Variants in INO80D observed in about 807,000 individuals in gnomAD.
The protein encoded by INO80D is INO80 complex subunit D.
In INO80D, 21 loss-of-function variants were observed where a neutral mutation model predicts 87.6. The observed-to-expected ratio is 0.24, with a 90% CI of 0.17 to 0.35. The LOEUF (loss-of-function observed/expected upper bound fraction) is 0.35, where lower values mean the gene tolerates loss of function less well. Ranked by LOEUF, INO80D falls within the 10% of genes least tolerant of loss-of-function variation. The pLI is 1.00. For missense variants in INO80D, 982 were observed against 1,280.7 expected (o/e 0.77, Z 3.56); for synonymous variants, 440 against 491.0 (o/e 0.90, Z 1.37).
In INO80D at chr2:206,009,800, G is replaced by A. The variant is rs762336375; in HGVS notation, c.1543-6C>T. 90 of 1,599,354 alleles carry A rather than the reference G, an allele frequency of 5.6e-5. No individual in the cohort carries two copies. In the African/African-American group the frequency reaches 1.1e-3, roughly 20 times the overall value. On this transcript the variant is annotated splice_polypyrimidine_tract_variant and splice_region_variant and intron_variant, in intron 8 of 10. Transcript: ENST00000403263. ...TCTCCTCTCAAGAAATTATCCTTTG[G>A]AATGAATAAATAGGCTTTTAAATTG...
At chr2:206,044,751 A>T (rs1462786695) in intron 5 of INO80D, among the ~76,000 whole-genome samples, 1 of 152,330 alleles carries the variant, frequency 6.6e-6, no homozygotes, top group South Asian at 2.1e-4. Flanking sequence ...TACCTTAAGA[A>T]TTAAATTAAG....
rs145026066 is a variant in INO80D at position 206,081,688 on chromosome 2, T to G, written c.-124+4213A>C. Among the ~76,000 whole-genome samples, 1,007 of 150,340 alleles carry G rather than the reference T, an allele frequency of 6.7e-3. 9 individuals carry two copies. Among genetic ancestry groups the G allele is most frequent in the African/African-American group, 0.024 (966 of 40,922 alleles). On this transcript the variant is annotated intron_variant, in intron 1 of 10. Coordinates refer to ENST00000403263, the MANE Select transcript of INO80D (RefSeq NM_017759.5). ...GGGAGGATCACTGGAGCCCAGGAGG[T>G]TGAGGCTGCAGTGAGCTGTAATCAT...
chr2:206,060,624 G>C (rs1289318007), intron 3 of INO80D, among the ~76,000 whole-genome samples: 1 of 150,460 alleles, frequency 6.6e-6, no homozygotes. Context: ...GCAATGGCGC[G>C]ATCTCCGCTC....
At chr2:206,068,258 C>A (rs1237329362) in intron 1 of INO80D, among the ~76,000 whole-genome samples, 1 of 152,064 alleles carries the variant, frequency 6.6e-6, no homozygotes, top group Admixed American at 6.6e-5. Context: ...GCCACCATAT[C>A]TGGCTAATTT....
At chr2:206,082,364 G>A (rs1282639452) in intron 1 of INO80D, among the ~76,000 whole-genome samples, 1 of 152,240 alleles carries the variant, frequency 6.6e-6, no homozygotes, top group Non-Finnish European at 1.5e-5. Flanking sequence ...GAAAGGATGA[G>A]AACCAAGTAG....
rs1327613245 is a variant in INO80D at position 206,002,389 on chromosome 2, TAA to T, written c.*1977_*1978del. On this transcript the variant is annotated 3_prime_UTR_variant, in exon 11 of 11. Transcript: ENST00000403263. Reference sequence around the variant, plus strand: ...CCAAATATAATTTTGCTTTATGACATAAGTTATAATTTAGAAATTTTGCACTC... The same window carrying T: ...CCAAATATAATTTTGCTTTATGACATGTTATAATTTAGAAATTTTGCACTC... The T allele has an allele frequency of 2.6e-5, 4 of 152,232 alleles. No individual in the cohort carries two copies. The highest frequency in any genetic ancestry group is 9.6e-5 in the African/African-American group (4 of 41,458). The allele number at this position is 152,232 out of a possible 1,614,324, so 9.4% of individuals were successfully genotyped here. A position where few individuals can be genotyped will look rare whatever the true frequency, so the allele number is the denominator to read the frequency against.
intron 1 of INO80D, among the ~76,000 whole-genome samples, chr2:206,075,315 T>C (rs1338584165): frequency 6.6e-6 from 1 of 152,206 alleles, no homozygotes; most frequent in East Asian, 1.9e-4. Context: ...TCACTGCTGT[T>C]CTTTTGATTC....
chr2:206,019,035 A>G (rs1688392146), intron 7 of INO80D, among the ~76,000 whole-genome samples: 1 of 152,152 alleles, frequency 6.6e-6, no homozygotes, highest in Admixed American at 6.5e-5. Flanking sequence ...TTTAGGTAAA[A>G]CTATAAAGCC....
rs907438752 is a variant in INO80D, at chr2:206,002,950, G to C, written c.*1418C>G. On this transcript the variant is annotated 3_prime_UTR_variant, in exon 11 of 11. Transcript: ENST00000403263. ...TAAAATCTAGTTCCACCCTTCTCTG[G>C]GGGGGAAAAAAGGTAGGCAAGAAAC... The C allele has an allele frequency of 2.6e-5, 4 of 151,948 alleles. No homozygotes were observed. The highest frequency in any genetic ancestry group is 4.8e-5 in the African/African-American group (2 of 41,362). 9.4% of individuals were successfully genotyped at this position (151,948 alleles called of 1,614,324 possible).
At chr2:206,046,237 A>T (rs1689189352) in intron 5 of INO80D, among the ~76,000 whole-genome samples, 1 of 152,170 alleles carries the variant, frequency 6.6e-6, no homozygotes, top group Non-Finnish European at 1.5e-5. Flanking sequence ...TACAGTGGTC[A>T]TTCAAGAAGG....
chr2:206,014,521 C>G (rs752218018), intron 8 of INO80D, among the ~76,000 whole-genome samples: 1 of 152,142 alleles, frequency 6.6e-6, no homozygotes, highest in Non-Finnish European at 1.5e-5. Flanking sequence ...TTGCCCTGCA[C>G]GAGCTCTTTT....
At chr2:206,024,675 A>C (rs1355804909) in intron 6 of INO80D, among the ~76,000 whole-genome samples, 1 of 152,224 alleles carries the variant, frequency 6.6e-6, no homozygotes, top group Non-Finnish European at 1.5e-5. Flanking sequence ...ACTAAAATAA[A>C]ATATCAAAAA....
intron 7 of INO80D, among the ~76,000 whole-genome samples, chr2:206,018,190 G>C (rs1404109172): frequency 2.0e-5 from 3 of 152,152 alleles, no homozygotes; most frequent in African/African-American, 7.2e-5. Context: ...GCCCAGGCTG[G>C]AGTGCAATGG....
chr2:206,019,941 T>A, intron 6 of INO80D, 96 bp from the exon 7 acceptor site: 3 of 779,502 alleles, frequency 3.8e-6, no homozygotes, highest in Non-Finnish European at 6.5e-6. Flanking sequence ...AACACTCTCA[T>A]TATAATATAT....
chr2:206,038,225 G>A (rs1376465522), intron 5 of INO80D, among the ~76,000 whole-genome samples: 1 of 152,114 alleles, frequency 6.6e-6, no homozygotes, highest in Non-Finnish European at 1.5e-5. Context: ...CCCCATAAAT[G>A]TGTACAAATA....
At chr2:206,012,883 A>C (rs1688215839) in intron 8 of INO80D, among the ~76,000 whole-genome samples, 1 of 151,290 alleles carries the variant, frequency 6.6e-6, no homozygotes, top group Non-Finnish European at 1.5e-5. Flanking sequence ...AAAAAAAAAA[A>C]AAAACCAGAG....
At chr2:206,076,162 C>A (rs1409717495) in intron 1 of INO80D, among the ~76,000 whole-genome samples, 2 of 151,762 alleles carry the variant, frequency 1.3e-5, no homozygotes, top group African/African-American at 4.8e-5. Context: ...GAGTTCAACA[C>A]CAGGCTGGGC....
At chr2:206,071,230 A>G (rs1689958035) in intron 1 of INO80D, among the ~76,000 whole-genome samples, 1 of 115,750 alleles carries the variant, frequency 8.6e-6, no homozygotes, top group Non-Finnish European at 1.7e-5. Context: ...AAGTGCTGGG[A>G]TTACAGGCAT....
At chr2:206,074,482 G>A (rs1027655317) in intron 1 of INO80D, among the ~76,000 whole-genome samples, 10 of 152,078 alleles carry the variant, frequency 6.6e-5, no homozygotes, top group South Asian at 2.1e-4. Flanking sequence ...GCATGATTGC[G>A]GGTGCCTGTA....
Sources: allele counts gnomAD v4.1 joint callset (sites outside exome capture counted in the v4.1 genomes callset), GRCh38; gene constraint gnomAD v4.1.1; transcripts MANE v1.5; gene names NCBI Gene and HGNC (gene_info 2026-07-23, HGNC 2026-07-21).